FUT8: variants seen among roughly 807,000 people sequenced by gnomAD.
The protein encoded by FUT8 is fucosyltransferase 8.
FUT8 carries 29 observed loss-of-function variants against 71.3 expected under a neutral mutation model. That is an observed-to-expected ratio of 0.41 (90% CI 0.30 to 0.55). FUT8 has a LOEUF of 0.55. FUT8 is among the 20% of genes least tolerant of loss of function. The pLI is 0.34. For missense variants in FUT8, 544 were observed against 702.1 expected (o/e 0.77, Z 2.55); for synonymous variants, 254 against 239.3 (o/e 1.06, Z -0.57).
chr14:65,635,876 T>C (rs898019442), intron 6 of FUT8, among the ~76,000 whole-genome samples: 1 of 152,198 alleles, frequency 6.6e-6, no homozygotes, highest in African/African-American at 2.4e-5. Flanking sequence ...GGTTCCCTCT[T>C]TCTCTGTCTT....
At chr14:65,475,869 G>A (rs2066231250) in intron 2 of FUT8, among the ~76,000 whole-genome samples, 1 of 152,144 alleles carries the variant, frequency 6.6e-6, no homozygotes, top group South Asian at 2.1e-4. Flanking sequence ...TGTAGGGGGT[G>A]AGGTGGCAAC....
rs144766875 is a variant in FUT8 at position 65,579,230 on chromosome 14, C to T, written c.203+17464C>T. Among the ~76,000 whole-genome samples, 947 of 152,218 alleles carry T rather than the reference C, an allele frequency of 6.2e-3. 12 individuals are homozygous for T. Among genetic ancestry groups the T allele is most frequent in the East Asian group, 0.035 (184 of 5,188 alleles). On this transcript the variant is annotated intron_variant, in intron 3 of 10. Coordinates refer to ENST00000673929, the MANE Select transcript of FUT8 (RefSeq NM_001371533.1). ...GTTGTATCTGATTTTCAGTGTACTG[C>T]CAACACTGTCCTCTTTTATACTTTT...
intron 3 of FUT8, among the ~76,000 whole-genome samples, chr14:65,599,354 C>T (rs964836686): frequency 1.3e-5 from 2 of 152,180 alleles, no homozygotes; most frequent in Non-Finnish European, 2.9e-5. Flanking sequence ...TGGTTCACCT[C>T]TTCTTCATCT....
At chr14:65,592,480 G>C (rs1490095384) in intron 3 of FUT8, among the ~76,000 whole-genome samples, 1 of 152,060 alleles carries the variant, frequency 6.6e-6, no homozygotes, top group Non-Finnish European at 1.5e-5. Context: ...GTATTAGATA[G>C]ATAGATATAT....
At chr14:65,578,522 C>A (rs61987985) in intron 3 of FUT8, among the ~76,000 whole-genome samples, 8,868 of 152,204 alleles carry the variant, frequency 0.058, 316 homozygotes, top group Admixed American at 0.11. Flanking sequence ...AACACAAATT[C>A]GTAAACTTTC....
the FUT8 span, among the ~76,000 whole-genome samples, chr14:65,392,669 A>C: frequency 6.6e-6 from 1 of 152,244 alleles, no homozygotes; most frequent in African/African-American, 2.4e-5. Context: ...TCACTATAAT[A>C]CATGAATAAT....
chr14:65,628,671 C>G, intron 5 of FUT8, among the ~76,000 whole-genome samples: 1 of 152,158 alleles, frequency 6.6e-6, no homozygotes, highest in East Asian at 1.9e-4. Context: ...TGTAGCAGCC[C>G]TAAAGTTTCT....
At chr14:65,688,520 CA>C (rs34293733) in intron 7 of FUT8, among the ~76,000 whole-genome samples, 9,267 of 55,270 alleles carry the variant, frequency 0.17, 125 homozygotes, top group South Asian at 0.34. Context: ...ATCCACATGC[CA>C]AAAAAAAAAA....
chr14:65,464,728 T>G (rs1334109396), intron 2 of FUT8, among the ~76,000 whole-genome samples: 1 of 152,192 alleles, frequency 6.6e-6, no homozygotes, highest in Non-Finnish European at 1.5e-5. Flanking sequence ...GTGTATAATG[T>G]GATTTGCTGA....
intron 10 of FUT8, among the ~76,000 whole-genome samples, chr14:65,741,439 A>T (rs1896494212): frequency 6.6e-6 from 1 of 152,028 alleles, no homozygotes; most frequent in Non-Finnish European, 1.5e-5. Context: ...GCGGGGAGGG[A>T]TAGCATTTGG....
At chr14:65,389,561 C>A in the FUT8 span, among the ~76,000 whole-genome samples, 1 of 152,098 alleles carries the variant, frequency 6.6e-6, no homozygotes, top group Non-Finnish European at 1.5e-5. Context: ...GATCCACCTA[C>A]CTCAGCCTCC....
intron 6 of FUT8, among the ~76,000 whole-genome samples, chr14:65,640,090 T>C (rs1304695199): frequency 6.6e-6 from 1 of 151,880 alleles, no homozygotes; most frequent in East Asian, 1.9e-4. Flanking sequence ...GAGAAGTGAA[T>C]GGTCAGAAGA....
At chr14:65,602,704 A>G (rs1372763581) in intron 3 of FUT8, among the ~76,000 whole-genome samples, 5 of 151,780 alleles carry the variant, frequency 3.3e-5, no homozygotes, top group African/African-American at 1.2e-4. Context: ...GTTTTTGACA[A>G]TGGCCATTCT....
intron 7 of FUT8, among the ~76,000 whole-genome samples, chr14:65,719,428 T>C (rs1050928908): frequency 2.0e-5 from 3 of 152,160 alleles, no homozygotes; most frequent in African/African-American, 4.8e-5. Context: ...AGGTCACATA[T>C]CTATGTTTCT....
chr14:65,468,026 T>G, intron 2 of FUT8: 2 of 679,142 alleles, frequency 2.9e-6, no homozygotes, highest in Non-Finnish European at 5.5e-6. Context: ...GCACATTAAT[T>G]CTCTTGGCAA....
At chr14:65,515,011 A>T (rs1162355084) in intron 2 of FUT8, among the ~76,000 whole-genome samples, 1 of 147,986 alleles carries the variant, frequency 6.8e-6, no homozygotes, top group Non-Finnish European at 1.5e-5. Context: ...CTTTGAATTC[A>T]GTGGTTACTT....
chr14:65,724,071 G>A lies in FUT8; in HGVS notation c.1083-76G>A, dbSNP rs140244914. ...AAAAATGCCTATAATGCCACCATAA[G>A]TAGGGGTATAAATTGAGTACCCTCA... On this transcript the variant is annotated intron_variant, in intron 8 of 10. Coordinates refer to ENST00000673929, the MANE Select transcript of FUT8 (RefSeq NM_001371533.1). 1,808 of 1,073,718 alleles carry A rather than the reference G, an allele frequency of 1.7e-3. 19 individuals carry two copies. The East Asian group carries it at 0.023, about 14-fold the overall frequency. The allele number at this position is 1,073,718 out of a possible 1,614,324, so 66.5% of individuals were successfully genotyped here. A position where few individuals can be genotyped will look rare whatever the true frequency, so the allele number is the denominator to read the frequency against.
intron 5 of FUT8, among the ~76,000 whole-genome samples, chr14:65,617,772 C>T (rs1046491808): frequency 7.1e-4 from 108 of 151,628 alleles, no homozygotes; most frequent in Non-Finnish European, 2.2e-4. Flanking sequence ...GGTGAAACCC[C>T]GTCTCTACCA....
chr14:65,729,034 GT>G (rs557668131), intron 9 of FUT8, among the ~76,000 whole-genome samples: 2,397 of 103,572 alleles, frequency 0.023, 17 homozygotes, highest in African/African-American at 0.071. Context: ...TTGTAAACAT[GT>G]TTTTTTTTTT....
Sources: gnomAD v4.1 joint callset for allele counts (sites outside exome capture counted in the v4.1 genomes callset) on GRCh38, gnomAD v4.1.1 for gene constraint, MANE v1.5 for transcripts, NCBI Gene and HGNC (gene_info 2026-07-23, HGNC 2026-07-21) for gene names.